Variants in GPR158 observed in about 807,000 individuals in gnomAD.
GPR158 encodes metabotropic glycine receptor.
GPR158 carries 30 observed loss-of-function variants against 78.2 expected under a neutral mutation model. The observed-to-expected ratio is 0.38, with a 90% CI of 0.29 to 0.52. The LOEUF is 0.52. Ranked by LOEUF, GPR158 falls within the 20% of genes least tolerant of loss-of-function variation. The pLI is 0.83. For synonymous variants in GPR158, 581 were observed against 591.1 expected, an observed-to-expected ratio of 0.98 and a Z score of 0.25; for missense variants, 1,463 against 1,523.5, an observed-to-expected ratio of 0.96 and a Z score of 0.66.
chr10:25,552,306 C>T (rs927194835), intron 6 of GPR158, among the ~76,000 whole-genome samples: 25 of 152,262 alleles, frequency 1.6e-4, no homozygotes, highest in Admixed American at 1.0e-3. Context: ...CACTTCCCTC[C>T]GGCATCCTTC....
At chr10:25,561,391 T>G (rs939710091) in intron 6 of GPR158, among the ~76,000 whole-genome samples, 4 of 152,208 alleles carry the variant, frequency 2.6e-5, no homozygotes, top group African/African-American at 9.7e-5. Context: ...GAATTCATAT[T>G]TACTCTGGAT....
intron 5 of GPR158, among the ~76,000 whole-genome samples, chr10:25,520,841 A>T (rs1836254226): frequency 1.3e-5 from 2 of 152,312 alleles, no homozygotes; most frequent in Admixed American, 6.5e-5. Context: ...CTGCCCCCAG[A>T]GGTGGAGCCT....
intron 1 of GPR158, among the ~76,000 whole-genome samples, chr10:25,201,209 G>A (rs963941635): frequency 5.9e-5 from 9 of 152,046 alleles, no homozygotes; most frequent in African/African-American, 2.2e-4. Flanking sequence ...TCATTGTAGA[G>A]ACCATTTACC....
chr10:25,206,890 G>A (rs191434284), intron 1 of GPR158, among the ~76,000 whole-genome samples: 1 of 150,374 alleles, frequency 6.7e-6, no homozygotes, highest in East Asian at 1.9e-4. Context: ...ACTATTTTAT[G>A]GATGCTGCCA....
At chr10:25,433,271 A>G (rs1047161916) in intron 4 of GPR158, among the ~76,000 whole-genome samples, 2 of 152,168 alleles carry the variant, frequency 1.3e-5, no homozygotes, top group East Asian at 1.9e-4. Context: ...CTCTGGCCCC[A>G]TTGTAGTAAT....
Position 25,175,382 on chromosome 10 carries a change from C to T in GPR158, c.-39C>T, listed in dbSNP as rs768478165. The T allele has an allele frequency of 2.7e-5, 34 of 1,237,094 alleles. No homozygotes were observed. The highest frequency in any genetic ancestry group is 3.8e-5 in the Non-Finnish European group (34 of 899,332). 76.6% of individuals were successfully genotyped at this position (1,237,094 alleles called of 1,614,324 possible). On this transcript the variant is annotated 5_prime_UTR_variant, in exon 1 of 11. Coordinates refer to ENST00000376351, the MANE Select transcript of GPR158 (RefSeq NM_020752.3). The surrounding 1 kb of genome is among the most constrained non-coding windows in gnomAD (Gnocchi z 6.4). ...ACGATCCAAATTTAAAAAGTGATTCCCCCCCCTCCCGTTCCCTCCTCTTCT... is the reference window on the plus strand; with the variant it reads ...ACGATCCAAATTTAAAAAGTGATTCTCCCCCCTCCCGTTCCCTCCTCTTCT...
chr10:25,554,904 C>T (rs1836767578), intron 6 of GPR158, among the ~76,000 whole-genome samples: 1 of 152,090 alleles, frequency 6.6e-6, no homozygotes, highest in African/African-American at 2.4e-5. Flanking sequence ...GAAGAATGTC[C>T]TCTTTTTGCC....
chr10:25,558,844 G>A (rs1364818478), intron 6 of GPR158, among the ~76,000 whole-genome samples: 5 of 152,064 alleles, frequency 3.3e-5, no homozygotes, highest in African/African-American at 9.7e-5. Flanking sequence ...TTCCATTGTC[G>A]TGAGAGCACG....
intron 5 of GPR158, among the ~76,000 whole-genome samples, chr10:25,495,945 GAGAACAGGGATGTCTCCTA>G (rs956970293): frequency 5.3e-5 from 8 of 151,916 alleles, no homozygotes; most frequent in African/African-American, 1.9e-4. Flanking sequence ...GTTCATGCCT[GAGAACAGGGATGTCTCCTA>G]ACATCCCTGT....
chr10:25,598,571 A>G lies in GPR158; in HGVS notation c.2945A>G (p.Asn982Ser), dbSNP rs148630918. Residue 982 changes from asparagine to serine, a missense_variant, in exon 11 of 11, where the codon AAC (asparagine) becomes AGC (serine). Asn to Ser is a conservative substitution (Grantham distance 46). Transcript: ENST00000376351. ...GGGATTATGAAACAACAAAGGGTCA[A>G]CCCCACCACTGCCAATTCTGACCTG... ...KSGIMKQQRVNPTTANSDLNP... is the reference protein window; with the variant it reads ...KSGIMKQQRVSPTTANSDLNP... 186 of 1,613,896 alleles carry G rather than the reference A, an allele frequency of 1.2e-4. 4 individuals are homozygous for G. Among genetic ancestry groups the G allele is most frequent in the South Asian group, 8.5e-4 (77 of 91,040 alleles).
At chr10:25,306,837 C>G (rs1854682864) in intron 2 of GPR158, among the ~76,000 whole-genome samples, 1 of 152,080 alleles carries the variant, frequency 6.6e-6, no homozygotes. Flanking sequence ...TTCACCTGGT[C>G]TAATGACTTC....
chr10:25,502,999 G>A (rs942137809), intron 5 of GPR158, among the ~76,000 whole-genome samples: 1 of 152,116 alleles, frequency 6.6e-6, no homozygotes, highest in Non-Finnish European at 1.5e-5. Flanking sequence ...ATGTTTTAGG[G>A]AAGATCATTT....
At chr10:25,568,019 G>A (rs1183287883) in intron 6 of GPR158, among the ~76,000 whole-genome samples, 1 of 152,146 alleles carries the variant, frequency 6.6e-6, no homozygotes, top group Non-Finnish European at 1.5e-5. Flanking sequence ...TGTGGATAAG[G>A]GAGAAAAATC....
intron 2 of GPR158, among the ~76,000 whole-genome samples, chr10:25,349,149 C>A (rs1855418721): frequency 6.6e-5 from 10 of 152,026 alleles, no homozygotes; most frequent in Admixed American, 6.6e-4. Context: ...GACTCTGGGG[C>A]AGAATCTGTT....
chr10:25,411,938 A>C, intron 3 of GPR158, among the ~76,000 whole-genome samples: 1 of 18,044 alleles, frequency 5.5e-5, no homozygotes, highest in Non-Finnish European at 1.5e-4. Flanking sequence ...TATCACAAAA[A>C]AAAAAAAAAA....
Position 25,428,711 on chromosome 10 carries a change from G to A in GPR158, c.1335+16238G>A, listed in dbSNP as rs116038213. On this transcript the variant is annotated intron_variant, in intron 4 of 10. Coordinates refer to ENST00000376351, the MANE Select transcript of GPR158 (RefSeq NM_020752.3). ...AAAGGAGAATGTATCACTGCTTTCA[G>A]TTCCGTACCTTTGTCCTTATGGGGG... is the stretch of plus-strand genomic sequence containing the variant. 2.5e-3 allele frequency among the ~76,000 whole-genome samples: 383 copies of A among 152,124 alleles called. 1 individual carries two copies. Among genetic ancestry groups the A allele is most frequent in the African/African-American group, 8.7e-3 (363 of 41,528 alleles).
At chr10:25,445,485 T>A (rs1564457697) in intron 4 of GPR158, among the ~76,000 whole-genome samples, 2 of 152,202 alleles carry the variant, frequency 1.3e-5, no homozygotes, top group Non-Finnish European at 2.9e-5. Flanking sequence ...CAGACCATTA[T>A]AAAGATTTAC....
At position 25,175,539 on chromosome 10, in the gene GPR158, C is replaced by G. The variant is rs764541621; in HGVS notation, c.119C>G (p.Pro40Arg). ...GRPDSPRERT[P>R]KGKPHAQQPG... ...CCGGATTCCCCTCGAGAGAGGACCC[C>G]GAAGGGGAAGCCGCACGCCCAGCAG... Residue 40 changes from proline (P) to arginine (R), a missense_variant, in exon 1 of 11, where the codon CCG (proline) becomes CGG (arginine). By Grantham distance (103) the Pro-to-Arg change is moderately radical. Transcript: ENST00000376351. This position sits in a 1 kb window ranked among gnomAD's most constrained non-coding sequence, Gnocchi z 6.4. The G allele has an allele frequency of 1.2e-6, 2 of 1,611,896 alleles. No individual in the cohort carries two copies. Among genetic ancestry groups the G allele is most frequent in the East Asian group, 4.5e-5 (2 of 44,828 alleles).
At chr10:25,349,851 T>C (rs1232066599) in intron 2 of GPR158, among the ~76,000 whole-genome samples, 1 of 127,926 alleles carries the variant, frequency 7.8e-6, no homozygotes, top group Non-Finnish European at 1.5e-5. Flanking sequence ...CTACAGAAGG[T>C]AGAGCTACCA....
Sources: gnomAD v4.1 joint callset for allele counts (sites outside exome capture counted in the v4.1 genomes callset) on GRCh38, gnomAD v4.1.1 for gene constraint, Gnocchi (gnomAD v3.1) non-coding constraint, MANE v1.5 for transcripts, NCBI Gene and HGNC (gene_info 2026-07-23, HGNC 2026-07-21) for gene names.